The following TACR1 variants were observed in gnomAD, a reference collection of about 807,000 sequenced individuals.
The protein encoded by TACR1 is substance-P receptor.
TACR1 carries 25 observed loss-of-function variants against 35.8 expected under a neutral mutation model. The ratio of observed to expected loss-of-function variants is 0.70; its 90% CI spans 0.51 to 0.98. TACR1 has a LOEUF of 0.98. TACR1 is among the 50% of genes least tolerant of loss of function. TACR1 has a pLI of 0.00. For missense variants in TACR1, 478 were observed against 522.9 expected (o/e 0.91, Z 0.84); for synonymous variants, 195 against 206.7 (o/e 0.94, Z 0.48).
At chr2:75,163,778 G>C (rs1675070851) in intron 1 of TACR1, among the ~76,000 whole-genome samples, 1 of 152,146 alleles carries the variant, frequency 6.6e-6, no homozygotes, top group Non-Finnish European at 1.5e-5. Flanking sequence ...AAGGGAGAGA[G>C]AGAGTGATTT....
intron 1 of TACR1, among the ~76,000 whole-genome samples, chr2:75,163,144 A>G (rs1243874115): frequency 2.6e-5 from 4 of 152,216 alleles, no homozygotes; most frequent in African/African-American, 7.2e-5. Context: ...ACAGTGTCAC[A>G]GAATGGAGGG....
chr2:75,168,618 G>A (rs1675202796), intron 1 of TACR1, among the ~76,000 whole-genome samples: 1 of 152,212 alleles, frequency 6.6e-6, no homozygotes, highest in African/African-American at 2.4e-5. Flanking sequence ...TCAGCTCACT[G>A]TTGATCTGTG....
At chr2:75,094,863 T>A (rs200586789) in intron 2 of TACR1, among the ~76,000 whole-genome samples, 36,306 of 105,948 alleles carry the variant, frequency 0.34, 5,735 homozygotes, top group East Asian at 0.45. Flanking sequence ...ATATATATTT[T>A]TTTTTTTTTT....
intron 2 of TACR1, among the ~76,000 whole-genome samples, chr2:75,100,038 G>A (rs566715620): frequency 1.3e-3 from 197 of 152,182 alleles, no homozygotes; most frequent in Middle Eastern, 6.8e-3. Flanking sequence ...TCCAGCCTGG[G>A]ATCTCTTCCC....
intron 2 of TACR1, among the ~76,000 whole-genome samples, chr2:75,057,791 A>G (rs374999411): frequency 5.0e-4 from 76 of 152,326 alleles, no homozygotes; most frequent in African/African-American, 1.7e-3. Context: ...AAAGGTCGAA[A>G]TGAAGTATCT....
chr2:75,150,443 G>C (rs13009281), intron 1 of TACR1, among the ~76,000 whole-genome samples: 1 of 151,998 alleles, frequency 6.6e-6, no homozygotes. Flanking sequence ...TGCTTTTCTT[G>C]TGATAGTGAA....
chr2:75,184,705 A>G (rs913034450), intron 1 of TACR1, among the ~76,000 whole-genome samples: 5 of 151,476 alleles, frequency 3.3e-5, no homozygotes, highest in African/African-American at 1.2e-4. Flanking sequence ...AGTTAAATTT[A>G]TATATATAAT....
At chr2:75,180,724 A>T (rs1198516832) in intron 1 of TACR1, among the ~76,000 whole-genome samples, 1 of 152,172 alleles carries the variant, frequency 6.6e-6, no homozygotes, top group Non-Finnish European at 1.5e-5. Flanking sequence ...CAGGCATGTG[A>T]GTGAGCCCAG....
At chr2:75,167,252 CA>C (rs1675167039) in intron 1 of TACR1, among the ~76,000 whole-genome samples, 1 of 152,144 alleles carries the variant, frequency 6.6e-6, no homozygotes, top group African/African-American at 2.4e-5. Context: ...AATAAAATCA[CA>C]GTGAAATTCT....
chr2:75,147,415 A>G (rs1674535955), intron 1 of TACR1, among the ~76,000 whole-genome samples: 1 of 152,140 alleles, frequency 6.6e-6, no homozygotes, highest in Non-Finnish European at 1.5e-5. Context: ...GTATTTTTAA[A>G]AATTTTTATT....
At chr2:75,065,823 A>T (rs935267736) in intron 2 of TACR1, among the ~76,000 whole-genome samples, 1 of 152,174 alleles carries the variant, frequency 6.6e-6, no homozygotes, top group African/African-American at 2.4e-5. Context: ...GGTATTTTAC[A>T]CTTCCTCTCA....
At chr2:75,080,621 C>T (rs947886303) in intron 2 of TACR1, among the ~76,000 whole-genome samples, 1 of 152,138 alleles carries the variant, frequency 6.6e-6, no homozygotes, top group Non-Finnish European at 1.5e-5. Flanking sequence ...GACAGAAGAT[C>T]AGAGCCTTCA....
chr2:75,130,926 A>G (rs1221895154), intron 1 of TACR1, among the ~76,000 whole-genome samples: 2 of 152,174 alleles, frequency 1.3e-5, no homozygotes, highest in African/African-American at 4.8e-5. Context: ...CTCTTTTTCA[A>G]TTCCAATGTT....
intron 1 of TACR1, chr2:75,154,367 T>C (rs1014299043): frequency 6.7e-6 from 1 of 148,876 alleles, no homozygotes; most frequent in African/African-American, 2.6e-5. Flanking sequence ...AGATTTATAA[T>C]TGGAAGTTTG....
rs1160798831 is a variant in TACR1 at position 75,048,686 on chromosome 2, A to C, written c.*746T>G. On this transcript the variant is annotated 3_prime_UTR_variant, in exon 5 of 5. Coordinates refer to ENST00000305249, the MANE Select transcript of TACR1 (RefSeq NM_001058.4). ...TATCTAGTTCAGTCCCCTTGTTTAC[A>C]AGTAGGAAAAGAGGGTCAACTACAC... The C allele has an allele frequency of 6.6e-6, 1 of 152,150 alleles. No individual in the cohort carries two copies. The highest frequency in any genetic ancestry group is 1.5e-5 in the Non-Finnish European group (1 of 68,032). 9.4% of individuals were successfully genotyped at this position (152,150 alleles called of 1,614,324 possible). A position where few individuals can be genotyped will look rare whatever the true frequency, so the allele number is the denominator to read the frequency against.
chr2:75,139,515 T>C (rs906425802), intron 1 of TACR1, among the ~76,000 whole-genome samples: 1 of 152,240 alleles, frequency 6.6e-6, no homozygotes, highest in Non-Finnish European at 1.5e-5. Context: ...TCAGCTCCGT[T>C]GGAACACGGG....
At chr2:75,196,729 G>C (rs1026129635) in intron 1 of TACR1, among the ~76,000 whole-genome samples, 1 of 152,182 alleles carries the variant, frequency 6.6e-6, no homozygotes, top group African/African-American at 2.4e-5. Context: ...AGCCAAAAGA[G>C]AGAGCTGTCT....
At chr2:75,171,755 A>G (rs1675292290) in intron 1 of TACR1, among the ~76,000 whole-genome samples, 1 of 152,212 alleles carries the variant, frequency 6.6e-6, no homozygotes, top group Non-Finnish European at 1.5e-5. Flanking sequence ...TGGGGCCTGT[A>G]GCCCTTTTGT....
At chr2:75,179,284 A>G (rs542954246) in intron 1 of TACR1, among the ~76,000 whole-genome samples, 1 of 152,202 alleles carries the variant, frequency 6.6e-6, no homozygotes, top group South Asian at 2.1e-4. Flanking sequence ...TTTACTTTCA[A>G]AATGTCTCCC....
Sources: gnomAD v4.1 joint callset for allele counts (sites outside exome capture counted in the v4.1 genomes callset) on GRCh38, gnomAD v4.1.1 for gene constraint, MANE v1.5 for transcripts, NCBI Gene and HGNC (gene_info 2026-07-23, HGNC 2026-07-21) for gene names.